Variants in UHRF1 observed in about 807,000 individuals in gnomAD.
The protein encoded by UHRF1 is E3 ubiquitin-protein ligase UHRF1.
A neutral mutation model predicts 96.5 loss-of-function variants in UHRF1; 9 were observed. That is an observed-to-expected ratio of 0.09 (90% CI 0.06 to 0.16). The LOEUF (loss-of-function observed/expected upper bound fraction) is 0.16, where lower values mean the gene tolerates loss of function less well. Among genes scored for constraint, UHRF1 ranks in the 10% least tolerant of loss-of-function variants. The pLI, the probability that UHRF1 is intolerant of heterozygous loss-of-function variation, is 1.00. For synonymous variants in UHRF1, 455 were observed against 469.9 expected (o/e 0.97, Z 0.41); for missense variants, 626 against 1,131.1 (o/e 0.55, Z 6.40).
chr19:4,947,063 T>C, intron 10 of UHRF1, 42 bp from the exon 11 acceptor site: 2 of 1,437,372 alleles, frequency 1.4e-6, no homozygotes, highest in Non-Finnish European at 1.9e-6. Context: ...TTTTTTTTTT[T>C]GCCTCTGCAG....
At position 4,950,900 on chromosome 19, in the gene UHRF1, C is replaced by G. The variant is rs753189382; in HGVS notation, c.1722C>G (p.Leu574=). The G allele has an allele frequency of 1.9e-6, 3 of 1,613,776 alleles. No homozygotes were observed. In the South Asian group the frequency reaches 3.3e-5, roughly 18 times the overall value. The change falls in exon 13 of 17, where the codon CTC becomes CTG. Residue 574 remains leucine, a synonymous_variant. Coordinates refer to ENST00000650932, the MANE Select transcript of UHRF1 (RefSeq NM_001048201.3). ...CCGAGAAGGGGAAGTCCGGGTTTCT[C>G]GTGTGGCGCTACCTTCTGCGGAGGG... The part of the protein sequence containing the change: ...YWPEKGKSGF[L]VWRYLLRRDD...
Position 4,927,380 on chromosome 19 carries a change from C to CAAAA in UHRF1, c.154-1822_154-1819dup, listed in dbSNP as rs35783129. Among the ~76,000 whole-genome samples the CAAAA allele has an allele frequency of 1.9e-3, 158 of 83,310 alleles. 1 individual carries two copies. Among genetic ancestry groups the CAAAA allele is most frequent in the Admixed American group, 4.5e-3 (30 of 6,732 alleles). The allele number at this position is 83,310 out of a possible 152,430, so 54.7% of individuals were successfully genotyped here. A position where few individuals can be genotyped will look rare whatever the true frequency, so the allele number is the denominator to read the frequency against. On this transcript the variant is annotated intron_variant, in intron 2 of 16. Transcript: ENST00000650932. ...TGGGCGACAGAGTGAGACTCCATCT[C>CAAAA]AAAAAAAAAAAAAAAAAAAAAAATT...
chr19:4,936,278 T>C (rs2033214069), intron 5 of UHRF1, among the ~76,000 whole-genome samples: 1 of 152,202 alleles, frequency 6.6e-6, no homozygotes, highest in Non-Finnish European at 1.5e-5. Flanking sequence ...CTTCGACTTC[T>C]ATCATCTGCT....
At chr19:4,959,676 C>G (rs1398327013) in intron 16 of UHRF1, among the ~76,000 whole-genome samples, 1 of 152,138 alleles carries the variant, frequency 6.6e-6, no homozygotes, top group Admixed American at 6.6e-5. Flanking sequence ...TCCTCCTTTT[C>G]CCCTTTCTTC....
intron 5 of UHRF1, 99 bp from the exon 6 acceptor site, chr19:4,941,429 T>C (rs2033395571): frequency 5.8e-6 from 5 of 867,608 alleles, no homozygotes; most frequent in Non-Finnish European, 9.3e-6. Flanking sequence ...AGCTGAGCTG[T>C]TGCCCCAGGC....
intron 5 of UHRF1, among the ~76,000 whole-genome samples, chr19:4,939,758 C>A (rs2033326990): frequency 6.6e-6 from 1 of 152,164 alleles, no homozygotes; most frequent in South Asian, 2.1e-4. Context: ...GGCGCAGTGG[C>A]TCATGCCTGT....
chr19:4,926,460 A>G (rs1430895203), intron 2 of UHRF1, among the ~76,000 whole-genome samples: 2 of 152,186 alleles, frequency 1.3e-5, no homozygotes, highest in African/African-American at 2.4e-5. Flanking sequence ...CTCGATGTCC[A>G]CGGTGGGTTT....
rs764408668 is a variant in UHRF1, at chr19:4,929,353, C to T, written c.285C>T (p.Ser95=). ...ACTCCGAGCTCTCCGACACCGACTCCGGCTGCTGCCTGGGCCAGAGTGAGT... is the reference window on the plus strand; with the variant it reads ...ACTCCGAGCTCTCCGACACCGACTCTGGCTGCTGCCTGGGCCAGAGTGAGT... ...ERDSELSDTD[S]GCCLGQSESD... Residue 95 remains serine, a synonymous_variant, in exon 3 of 17, where the codon TCC becomes TCT. Transcript: ENST00000650932. The T allele has an allele frequency of 1.2e-5, 20 of 1,613,602 alleles. No homozygotes were observed. In the East Asian group the frequency reaches 1.6e-4, roughly 13 times the overall value.
At chr19:4,943,811 C>G (rs1413446904) in intron 7 of UHRF1, among the ~76,000 whole-genome samples, 2 of 152,030 alleles carry the variant, frequency 1.3e-5, no homozygotes, top group Non-Finnish European at 2.9e-5. Flanking sequence ...CCACCATGCC[C>G]GGCTAATTTT....
chr19:4,910,546 A>T lies in UHRF1; in HGVS notation c.-10-330A>T, dbSNP rs2032225890. 8 of 255,810 alleles carry T rather than the reference A, an allele frequency of 3.1e-5. No individual in the cohort carries two copies. In the East Asian group the frequency reaches 5.5e-4, roughly 17 times the overall value. 15.8% of individuals were successfully genotyped at this position (255,810 alleles called of 1,614,324 possible). A position where few individuals can be genotyped will look rare whatever the true frequency, so the allele number is the denominator to read the frequency against. On this transcript the variant is annotated intron_variant, in intron 1 of 16. Coordinates refer to ENST00000650932, the MANE Select transcript of UHRF1 (RefSeq NM_001048201.3). ...AATCAATGAATGAATGAATAAACGA[A>T]CCAACTCGGCCACTTGGCCCGGGCC...
At chr19:4,924,705 T>C (rs914082866) in intron 2 of UHRF1, among the ~76,000 whole-genome samples, 2 of 152,186 alleles carry the variant, frequency 1.3e-5, no homozygotes, top group Non-Finnish European at 1.5e-5. Flanking sequence ...CCGCCCCCAC[T>C]GTCAGCCTCC....
chr19:4,914,834 G>C (rs577875573), intron 2 of UHRF1, among the ~76,000 whole-genome samples: 1 of 152,118 alleles, frequency 6.6e-6, no homozygotes, highest in African/African-American at 2.4e-5. Context: ...ACGCTGCAGC[G>C]CAGTGCGAAT....
intron 7 of UHRF1, among the ~76,000 whole-genome samples, chr19:4,942,745 T>C (rs2033445376): frequency 6.6e-6 from 1 of 152,122 alleles, no homozygotes; most frequent in African/African-American, 2.4e-5. Context: ...CCACCATGCC[T>C]GGCCTGGAGA....
chr19:4,922,240 C>A (rs756298953), intron 2 of UHRF1, among the ~76,000 whole-genome samples: 1 of 151,680 alleles, frequency 6.6e-6, no homozygotes, highest in African/African-American at 2.4e-5. Context: ...AGCCACCGGA[C>A]CTGGGCTTTT....
At chr19:4,917,489 A>T (rs1358322410) in intron 2 of UHRF1, among the ~76,000 whole-genome samples, 1 of 151,476 alleles carries the variant, frequency 6.6e-6, no homozygotes, top group Admixed American at 6.6e-5. Flanking sequence ...CCCCATCTTT[A>T]CTAAAGATAC....
upstream of UHRF1, among the ~76,000 whole-genome samples, chr19:4,907,269 C>T (rs1028946374): frequency 7.2e-5 from 11 of 152,058 alleles, no homozygotes; most frequent in African/African-American, 2.7e-4. Flanking sequence ...ACCACCCTGC[C>T]CAGCTAATTT....
chr19:4,909,629 G>C lies in UHRF1; in HGVS notation c.-37G>C. On this transcript the variant is annotated 5_prime_UTR_variant, in exon 1 of 17. Transcript: ENST00000650932. Reference sequence around the variant, plus strand: ...CCCAGCCGGGCCACGCGCGCAGGCAGACAAGCTGTTCGCGGCGACCGGAGA... The same window carrying C: ...CCCAGCCGGGCCACGCGCGCAGGCACACAAGCTGTTCGCGGCGACCGGAGA... 1 of 596,716 alleles carries C rather than the reference G, an allele frequency of 1.7e-6. No individual in the cohort carries two copies. Among genetic ancestry groups the C allele is most frequent in the Non-Finnish European group, 2.9e-6 (1 of 339,044 alleles). 37.0% of individuals were successfully genotyped at this position (596,716 alleles called of 1,614,324 possible).
At chr19:4,933,172 G>A (rs2033110624) in intron 5 of UHRF1, among the ~76,000 whole-genome samples, 1 of 152,156 alleles carries the variant, frequency 6.6e-6, no homozygotes, top group African/African-American at 2.4e-5. Flanking sequence ...CTCTGCCCAG[G>A]GAACTGTCTC....
intron 15 of UHRF1, among the ~76,000 whole-genome samples, chr19:4,955,350 T>C (rs567725840): frequency 1.3e-5 from 2 of 151,984 alleles, no homozygotes; most frequent in South Asian, 4.2e-4. Flanking sequence ...CGGGGCCCCT[T>C]CCTCCCCCTT....
Sources: allele counts gnomAD v4.1 joint callset (sites outside exome capture counted in the v4.1 genomes callset), GRCh38; gene constraint gnomAD v4.1.1; transcripts MANE v1.5; gene names NCBI Gene and HGNC (gene_info 2026-07-23, HGNC 2026-07-21).